Variants in SDK1 observed in about 807,000 individuals in gnomAD.
SDK1 encodes the protein sidekick cell adhesion molecule 1.
SDK1 carries 157 observed loss-of-function variants against 245.5 expected under a neutral mutation model. The ratio of observed to expected loss-of-function variants is 0.64; its 90% CI spans 0.56 to 0.73. The LOEUF (loss-of-function observed/expected upper bound fraction) is 0.73. SDK1 is among the 30% of genes least tolerant of loss of function. SDK1 has a pLI of 0.00. For missense variants in SDK1, 3,583 were observed against 3,002.3 expected (o/e 1.19, Z -4.52); for synonymous variants, 1,647 against 1,278.5 (o/e 1.29, Z -6.15).
intron 1 of SDK1, among the ~76,000 whole-genome samples, chr7:3,547,107 T>G (rs1377633749): frequency 6.6e-6 from 1 of 152,028 alleles, no homozygotes; most frequent in Non-Finnish European, 1.5e-5. Context: ...ACACTTAGAG[T>G]TTTAGATAAT....
At chr7:3,860,883 C>T (rs1286182725) in intron 5 of SDK1, among the ~76,000 whole-genome samples, 1 of 152,144 alleles carries the variant, frequency 6.6e-6, no homozygotes, top group African/African-American at 2.4e-5. Flanking sequence ...AAAACTTGAT[C>T]AGCCCACTCC....
At chr7:3,827,589 T>C (rs1779809480) in intron 5 of SDK1, among the ~76,000 whole-genome samples, 2 of 152,238 alleles carry the variant, frequency 1.3e-5, no homozygotes, top group South Asian at 4.1e-4. Flanking sequence ...CCTACGTGTG[T>C]TGTCAGCTGA....
chr7:4,212,819 C>T (rs138513364), intron 38 of SDK1, among the ~76,000 whole-genome samples: 1 of 152,214 alleles, frequency 6.6e-6, no homozygotes, highest in Non-Finnish European at 1.5e-5. Context: ...TTCTGATTGA[C>T]CTGTGAGTCC....
intron 1 of SDK1, among the ~76,000 whole-genome samples, chr7:3,337,656 T>C (rs996381508): frequency 2.6e-5 from 4 of 152,168 alleles, no homozygotes; most frequent in Non-Finnish European, 5.9e-5. Context: ...AGTTTAACAA[T>C]GTGTAATTTG....
chr7:3,359,002 A>G (rs1035674509), intron 1 of SDK1, among the ~76,000 whole-genome samples: 8 of 151,934 alleles, frequency 5.3e-5, no homozygotes, highest in Admixed American at 5.2e-4. Context: ...TTTTCTAAGA[A>G]CTCCGGGAGT....
At chr7:3,595,080 T>C (rs1373281579) in intron 1 of SDK1, among the ~76,000 whole-genome samples, 2 of 152,156 alleles carry the variant, frequency 1.3e-5, no homozygotes, top group Admixed American at 6.5e-5. Context: ...TCCAATTTGA[T>C]TTCAGCAACG....
At chr7:3,975,880 T>C (rs557763818) in intron 13 of SDK1, among the ~76,000 whole-genome samples, 12 of 152,316 alleles carry the variant, frequency 7.9e-5, no homozygotes, top group African/African-American at 2.6e-4. Context: ...GCGGGGGTCC[T>C]GGTGCTGCAG....
At chr7:4,078,421 T>A (rs776130798) in intron 21 of SDK1, among the ~76,000 whole-genome samples, 6 of 152,240 alleles carry the variant, frequency 3.9e-5, no homozygotes, top group African/African-American at 1.4e-4. Context: ...CTATTTCAAA[T>A]TCATTAAAAA....
intron 1 of SDK1, among the ~76,000 whole-genome samples, chr7:3,367,251 T>C (rs1041948777): frequency 6.6e-6 from 1 of 152,256 alleles, no homozygotes; most frequent in African/African-American, 2.4e-5. Flanking sequence ...TGTAATTTCA[T>C]GTGATCTGGA....
intron 1 of SDK1, among the ~76,000 whole-genome samples, chr7:3,474,760 A>T (rs1446091131): frequency 6.6e-6 from 1 of 152,124 alleles, no homozygotes; most frequent in Admixed American, 6.5e-5. Flanking sequence ...GCATGATCAT[A>T]GCTCACTGCA....
At chr7:3,895,583 AC>A (rs1460754120) in intron 5 of SDK1, among the ~76,000 whole-genome samples, 2 of 152,188 alleles carry the variant, frequency 1.3e-5, no homozygotes, top group Non-Finnish European at 2.9e-5. Context: ...GAAGCAACTC[AC>A]GGAAGGACCC....
chr7:3,901,204 T>TC (rs1781778549), intron 5 of SDK1, among the ~76,000 whole-genome samples: 1 of 152,102 alleles, frequency 6.6e-6, no homozygotes, highest in Admixed American at 6.6e-5. Context: ...TCTTTTTTTT[T>TC]CCCGACAGAG....
At chr7:3,932,080 C>A (rs147506128) in intron 5 of SDK1, among the ~76,000 whole-genome samples, 34 of 152,300 alleles carry the variant, frequency 2.2e-4, no homozygotes, top group African/African-American at 7.9e-4. Context: ...AATAGGCCCA[C>A]ACTGACCAGC....
chr7:3,986,605 A>G lies in SDK1; in HGVS notation c.1995-581A>G, dbSNP rs138484989. On this transcript the variant is annotated intron_variant, in intron 13 of 44. Coordinates refer to ENST00000404826, the MANE Select transcript of SDK1 (RefSeq NM_152744.4). ...GCCGGGCATGGTGGCTCACGCCTGT[A>G]ATCCCAGCACTTTGGGAGGCCAAGG... Among the ~76,000 whole-genome samples, 1,300 of 152,356 alleles carry G rather than the reference A, an allele frequency of 8.5e-3. 19 individuals are homozygous for G. The highest frequency in any genetic ancestry group is 0.03 in the African/African-American group (1,228 of 41,576).
At chr7:3,484,029 C>T (rs1156642848) in intron 1 of SDK1, among the ~76,000 whole-genome samples, 2 of 152,126 alleles carry the variant, frequency 1.3e-5, no homozygotes, top group African/African-American at 4.8e-5. Flanking sequence ...ATATCTGTCA[C>T]CTCAAACATT....
At chr7:3,336,573 T>A (rs1365590081) in intron 1 of SDK1, among the ~76,000 whole-genome samples, 1 of 152,180 alleles carries the variant, frequency 6.6e-6, no homozygotes, top group Admixed American at 6.5e-5. Context: ...AAATGAGGTA[T>A]GGAGGAGCGG....
chr7:3,843,218 A>G (rs73310075), intron 5 of SDK1, among the ~76,000 whole-genome samples: 1,881 of 152,266 alleles, frequency 0.012, 45 homozygotes, highest in African/African-American at 0.043. Flanking sequence ...CAAAAGGGAA[A>G]ACAAGAACCA....
At chr7:4,198,900 G>A (rs886477585) in intron 35 of SDK1, among the ~76,000 whole-genome samples, 18 of 148,954 alleles carry the variant, frequency 1.2e-4, no homozygotes, top group African/African-American at 3.5e-4. Context: ...TGCAACCTCC[G>A]CCTCCCTGGT....
rs573932910 is a variant in SDK1, at chr7:4,221,355, C to T, written c.5818C>T (p.Arg1940Trp). 14 of 1,607,964 alleles carry T rather than the reference C, an allele frequency of 8.7e-6. No individual in the cohort carries two copies. The highest frequency in any genetic ancestry group is 2.7e-5 in the African/African-American group (2 of 74,898). ...TACCACGGGCTATGTGATCGAGGCC[C>T]GGCCCTCAGGTAGGGTGGCAGGCCC... is the stretch of plus-strand genomic sequence containing the variant. ...TPTTGYVIEARPSDEGLWDMF... is the reference protein window; with the variant it reads ...TPTTGYVIEAWPSDEGLWDMF... The change falls in exon 40 of 45, where the codon CGG becomes TGG. Residue 1940 changes from arginine (R) to tryptophan (W), a missense_variant. Arg to Trp is a moderately radical substitution (Grantham distance 101, BLOSUM62 -3). Coordinates refer to ENST00000404826, the MANE Select transcript of SDK1 (RefSeq NM_152744.4).
Sources: gnomAD v4.1 joint callset for allele counts (sites outside exome capture counted in the v4.1 genomes callset) on GRCh38, gnomAD v4.1.1 for gene constraint, MANE v1.5 for transcripts, NCBI Gene and HGNC (gene_info 2026-07-23, HGNC 2026-07-21) for gene names.